STK40: variants seen among roughly 807,000 people sequenced by gnomAD.
The protein encoded by STK40 is serine/threonine kinase 40, also known as serine/threonine-protein kinase 40.
Under a neutral mutation model 47.9 loss-of-function variants are expected in STK40, and 13 were observed. That is an observed-to-expected ratio of 0.27 (90% CI 0.18 to 0.43). The LOEUF is 0.43. STK40 is among the 20% of genes least tolerant of loss of function. The probability of loss-of-function intolerance (pLI) is 1.00; values close to 1 mark genes in which losing one functional copy is unlikely to be tolerated. For synonymous variants in STK40, 225 were observed against 243.2 expected, an observed-to-expected ratio of 0.93 and a Z score of 0.69; for missense variants, 460 against 595.1, an observed-to-expected ratio of 0.77 and a Z score of 2.36.
intron 6 of STK40, among the ~76,000 whole-genome samples, chr1:36,352,790 T>A (rs570395278): frequency 6.6e-6 from 1 of 152,328 alleles, no homozygotes; most frequent in Non-Finnish European, 1.5e-5. Flanking sequence ...CATGATACCA[T>A]CTTCTGGTCA....
At chr1:36,347,917 G>A (rs546250521) in intron 7 of STK40, among the ~76,000 whole-genome samples, 3 of 152,266 alleles carry the variant, frequency 2.0e-5, no homozygotes, top group Admixed American at 2.0e-4. Context: ...CAAAGTGTTG[G>A]GATTACAGGC....
intron 6 of STK40, among the ~76,000 whole-genome samples, chr1:36,351,095 T>A (rs1646748902): frequency 6.6e-6 from 1 of 152,224 alleles, no homozygotes; most frequent in African/African-American, 2.4e-5. Flanking sequence ...GCTTTAGCTA[T>A]GGCCCTCTGG....
intron 1 of STK40, among the ~76,000 whole-genome samples, chr1:36,384,296 T>C (rs548649577): frequency 6.6e-6 from 1 of 152,296 alleles, no homozygotes; most frequent in Non-Finnish European, 1.5e-5. Context: ...TCCCAAAGTG[T>C]TGGGATTACA....
chr1:36,372,390 CT>C (rs1253124653), intron 1 of STK40, among the ~76,000 whole-genome samples: 6 of 134,788 alleles, frequency 4.5e-5, no homozygotes, highest in Admixed American at 8.3e-5. Flanking sequence ...GACAGCACCA[CT>C]CTAGCCTGGG....
rs556017689 is a variant in STK40 at position 36,344,045 on chromosome 1, G to C, written c.885-66C>G. The C allele has an allele frequency of 3.1e-6, 5 of 1,587,928 alleles. No homozygotes were observed. In the Admixed American group the frequency reaches 5.2e-5, roughly 16 times the overall value. ...CTGGGTCTGTGGCCAGGATGCCCAGGCTCACTGTGCCGTTTCCCTGCCTTA... is the reference window on the plus strand; with the variant it reads ...CTGGGTCTGTGGCCAGGATGCCCAGCCTCACTGTGCCGTTTCCCTGCCTTA... On this transcript the variant is annotated intron_variant, in intron 8 of 10. Transcript: ENST00000373132.
intron 4 of STK40, among the ~76,000 whole-genome samples, chr1:36,356,626 C>T (rs903836591): frequency 1.1e-4 from 16 of 151,868 alleles, no homozygotes; most frequent in Middle Eastern, 3.2e-3. Context: ...GGGGTTTCAC[C>T]GTGTTAGCCA....
At chr1:36,349,049 C>T (rs1438069253) in intron 6 of STK40, among the ~76,000 whole-genome samples, 1 of 152,260 alleles carries the variant, frequency 6.6e-6, no homozygotes, top group Non-Finnish European at 1.5e-5. Context: ...ATCGGCTTCT[C>T]TCCCAGGTAT....
intron 10 of STK40, 146 bp from the exon 11 acceptor site, chr1:36,342,119 G>T (rs1416103852): frequency 3.8e-6 from 3 of 779,568 alleles, no homozygotes; most frequent in East Asian, 5.4e-5. Context: ...AAGGCCGGGG[G>T]TGGGAGTGGC....
intron 7 of STK40, among the ~76,000 whole-genome samples, chr1:36,345,989 A>ATTTTTT (rs1330462605): frequency 1.9e-3 from 37 of 19,574 alleles, no homozygotes; most frequent in Non-Finnish European, 2.9e-3. Context: ...ATATATATAT[A>ATTTTTT]TATTTTTTTT....
intron 7 of STK40, among the ~76,000 whole-genome samples, 154 bp from the exon 8 acceptor site, chr1:36,344,418 G>A (rs1646682278): frequency 7.0e-6 from 1 of 143,076 alleles, no homozygotes; most frequent in African/African-American, 3.0e-5. Flanking sequence ...CCGCTCCCCT[G>A]TTCCTCAGGA....
chr1:36,342,134 AGGGTG>A, intron 10 of STK40, 161 bp from the exon 11 acceptor site: 1 of 701,428 alleles, frequency 1.4e-6, no homozygotes, highest in Non-Finnish European at 2.4e-6. Context: ...AGTGGCGCTG[AGGGTG>A]GGTCCCTGAC....
Position 36,370,626 on chromosome 1 carries a change from G to A in STK40, c.-8-9286C>T, listed in dbSNP as rs530792166. The stretch of plus-strand genomic sequence containing the variant: ...TGCCAGGTCTCTTGTAGATTCCTGC[G>A]CACCTCTCTGGGTGGTGAATTTCAG... On this transcript the variant is annotated intron_variant, in intron 1 of 10. Coordinates refer to ENST00000373132, the MANE Select transcript of STK40 (RefSeq NM_001282547.2). 5.9e-5 allele frequency among the ~76,000 whole-genome samples: 9 copies of A among 152,268 alleles called. No individual in the cohort carries two copies. In the South Asian group the frequency reaches 1.9e-3, roughly 32 times the overall value.
intron 1 of STK40, among the ~76,000 whole-genome samples, chr1:36,385,425 G>A (rs1188837297): frequency 6.6e-6 from 1 of 152,192 alleles, no homozygotes; most frequent in Non-Finnish European, 1.5e-5. Context: ...TTCACACGCC[G>A]GTTGCTTCAC....
At chr1:36,356,512 G>A (rs1051164609) in intron 4 of STK40, among the ~76,000 whole-genome samples, 1 of 138,272 alleles carries the variant, frequency 7.2e-6, no homozygotes, top group African/African-American at 2.8e-5. Flanking sequence ...TGCAAGCTCT[G>A]CCTCCCAGGT....
chr1:36,353,440 C>A (rs977424096), intron 6 of STK40, among the ~76,000 whole-genome samples: 3 of 152,202 alleles, frequency 2.0e-5, no homozygotes, highest in Non-Finnish European at 2.9e-5. Context: ...GGCGGGATGA[C>A]AACCTGAAAC....
rs1316145552 is a variant in STK40 at position 36,341,581 on chromosome 1, G to T, written c.*174C>A. On this transcript the variant is annotated 3_prime_UTR_variant, in exon 11 of 11. Coordinates refer to ENST00000373132, the MANE Select transcript of STK40 (RefSeq NM_001282547.2). ...AACAATCGAGCAATCATCCCAAAAG[G>T]TAGCTTCGTGGTACCTCTGCTGACC... is the stretch of plus-strand genomic sequence containing the variant. 2 of 668,678 alleles carry T rather than the reference G, an allele frequency of 3.0e-6. No individual in the cohort carries two copies. Among genetic ancestry groups the T allele is most frequent in the African/African-American group, 3.6e-5 (2 of 55,314 alleles). 41.4% of individuals were successfully genotyped at this position (668,678 alleles called of 1,614,324 possible). A position where few individuals can be genotyped will look rare whatever the true frequency, so the allele number is the denominator to read the frequency against.
At chr1:36,380,095 G>C (rs756454094) in intron 1 of STK40, among the ~76,000 whole-genome samples, 1 of 152,204 alleles carries the variant, frequency 6.6e-6, no homozygotes, top group Non-Finnish European at 1.5e-5. Context: ...GTAAATCACA[G>C]CAAGCAATTG....
chr1:36,362,289 A>G (rs955034006), intron 1 of STK40, among the ~76,000 whole-genome samples: 1 of 152,192 alleles, frequency 6.6e-6, no homozygotes, highest in African/African-American at 2.4e-5. Flanking sequence ...ACAAGGAAAC[A>G]GATGTGTACA....
chr1:36,371,766 C>T (rs951625865), intron 1 of STK40, among the ~76,000 whole-genome samples: 4 of 146,372 alleles, frequency 2.7e-5, no homozygotes, highest in Non-Finnish European at 6.0e-5. Flanking sequence ...GAGGCCGAGG[C>T]GGGCAAATCA....
Sources: allele counts gnomAD v4.1 joint callset (sites outside exome capture counted in the v4.1 genomes callset), GRCh38; gene constraint gnomAD v4.1.1; transcripts MANE v1.5; gene names NCBI Gene and HGNC (gene_info 2026-07-23, HGNC 2026-07-21).